RFX3: variants seen among roughly 807,000 people sequenced by gnomAD.
The protein encoded by RFX3 is transcription factor RFX3.
RFX3 carries 14 observed loss-of-function variants against 98.6 expected under a neutral mutation model. That is an observed-to-expected ratio of 0.14 (90% CI 0.09 to 0.22). RFX3 has a LOEUF of 0.22. RFX3 is among the 10% of genes least tolerant of loss of function. The pLI is 1.00. For missense variants in RFX3, 639 were observed against 926.9 expected (o/e 0.69, Z 4.03); for synonymous variants, 383 against 328.4 (o/e 1.17, Z -1.80).
intron 2 of RFX3, among the ~76,000 whole-genome samples, chr9:3,393,529 G>T (rs1045877292): frequency 6.6e-6 from 1 of 151,724 alleles, no homozygotes; most frequent in African/African-American, 2.4e-5. Flanking sequence ...GTTCAACATT[G>T]CCTTTAAAAA....
At chr9:3,393,899 G>C (rs1040319240) in intron 2 of RFX3, among the ~76,000 whole-genome samples, 3 of 152,218 alleles carry the variant, frequency 2.0e-5, no homozygotes, top group African/African-American at 7.2e-5. Flanking sequence ...TTTGGGTAAT[G>C]GGTACCCTAG....
chr9:3,390,983 C>T (rs116075379), intron 2 of RFX3, among the ~76,000 whole-genome samples: 4,756 of 152,162 alleles, frequency 0.031, 243 homozygotes, highest in African/African-American at 0.11. Context: ...ATATTGAATG[C>T]CTCAAAATTT....
At chr9:3,351,976 C>G (rs1294399194) in intron 2 of RFX3, among the ~76,000 whole-genome samples, 1 of 151,432 alleles carries the variant, frequency 6.6e-6, no homozygotes, top group Non-Finnish European at 1.5e-5. Context: ...AAAAAAATTT[C>G]AAAAAATACG....
In RFX3 at chr9:3,525,899, C is replaced by G. The variant is rs1819233652; in HGVS notation, c.-161G>C. 2 of 982,488 alleles carry G rather than the reference C, an allele frequency of 2.0e-6. No homozygotes were observed. The highest frequency in any genetic ancestry group is 2.4e-6 in the Non-Finnish European group (2 of 829,402). The allele number at this position is 982,488 out of a possible 1,614,324, so 60.9% of individuals were successfully genotyped here. A position where few individuals can be genotyped will look rare whatever the true frequency, so the allele number is the denominator to read the frequency against. ...TACGGTGACTATGGCGCTTGATTCA[C>G]AAGGCAACGGTTGCTATAACTCACA... On this transcript the variant is annotated 5_prime_UTR_variant, in exon 1 of 17. Coordinates refer to ENST00000617270, the MANE Select transcript of RFX3 (RefSeq NM_001282116.2).
At chr9:3,348,991 A>G (rs1045536635) in intron 2 of RFX3, among the ~76,000 whole-genome samples, 1 of 152,170 alleles carries the variant, frequency 6.6e-6, no homozygotes, top group Non-Finnish European at 1.5e-5. Flanking sequence ...AAAGACTACA[A>G]TTGGGACCCA....
At chr9:3,322,119 G>A (rs1466643659) in intron 4 of RFX3, among the ~76,000 whole-genome samples, 1 of 151,944 alleles carries the variant, frequency 6.6e-6, no homozygotes, top group African/African-American at 2.4e-5. Context: ...ATTCTTGCAA[G>A]TTTATTTACA....
chr9:3,341,859 A>G (rs1833924525), intron 3 of RFX3, among the ~76,000 whole-genome samples: 1 of 152,216 alleles, frequency 6.6e-6, no homozygotes, highest in South Asian at 2.1e-4. Context: ...ATAAATGAAG[A>G]AAGCACCTCT....
intron 1 of RFX3, among the ~76,000 whole-genome samples, chr9:3,517,683 A>G (rs557086184): frequency 6.6e-6 from 1 of 152,352 alleles, no homozygotes; most frequent in East Asian, 1.9e-4. Context: ...TTTATGGACT[A>G]CAGATTTAAC....
At chr9:3,290,830 G>A (rs1827237724) in intron 6 of RFX3, among the ~76,000 whole-genome samples, 1 of 152,086 alleles carries the variant, frequency 6.6e-6, no homozygotes, top group African/African-American at 2.4e-5. Flanking sequence ...CAGTGAAGGG[G>A]TTTAGGACAT....
At chr9:3,490,611 T>G (rs958222593) in intron 1 of RFX3, among the ~76,000 whole-genome samples, 1 of 152,090 alleles carries the variant, frequency 6.6e-6, no homozygotes, top group Non-Finnish European at 1.5e-5. Flanking sequence ...AGAATAATCA[T>G]AGTATTGTAA....
intron 1 of RFX3, among the ~76,000 whole-genome samples, chr9:3,424,466 A>G (rs938224271): frequency 7.5e-6 from 1 of 134,020 alleles, no homozygotes; most frequent in Non-Finnish European, 1.5e-5. Context: ...GGTTCACGCC[A>G]TTCTCCTGCC....
chr9:3,330,529 G>A lies in RFX3; in HGVS notation c.216-12C>T, dbSNP rs748045110. ...ACGTTGTTGTTCGGCTTTAGAAGAAGAAGAAAAAAGAAATTTACTAGCTTA... is the reference window on the plus strand; with the variant it reads ...ACGTTGTTGTTCGGCTTTAGAAGAAAAAGAAAAAAGAAATTTACTAGCTTA... On this transcript the variant is annotated splice_polypyrimidine_tract_variant and intron_variant, in intron 3 of 16. Transcript: ENST00000617270. 2.4e-5 allele frequency: 38 copies of A among 1,577,074 alleles called. No homozygotes were observed. The highest frequency in any genetic ancestry group is 7.4e-5 in the Admixed American group (4 of 53,956).
intron 15 of RFX3, among the ~76,000 whole-genome samples, chr9:3,243,979 TTTC>T (rs556393829): frequency 1.9e-3 from 284 of 150,538 alleles, no homozygotes; most frequent in African/African-American, 6.5e-3. Context: ...CTGTGTCTCA[TTTC>T]TTCTTCTTTT....
chr9:3,491,002 C>T (rs941962065), intron 1 of RFX3, among the ~76,000 whole-genome samples: 10 of 152,092 alleles, frequency 6.6e-5, no homozygotes, highest in Middle Eastern at 3.4e-3. Flanking sequence ...CTTATTACAA[C>T]GTATATCTGA....
chr9:3,376,977 C>T (rs933497494), intron 2 of RFX3, among the ~76,000 whole-genome samples: 2 of 152,160 alleles, frequency 1.3e-5, no homozygotes, highest in African/African-American at 4.8e-5. Flanking sequence ...GAAATAGGAA[C>T]ACTTTTACAC....
intron 3 of RFX3, among the ~76,000 whole-genome samples, chr9:3,346,187 T>G (rs1834424293): frequency 6.6e-6 from 1 of 152,186 alleles, no homozygotes; most frequent in East Asian, 1.9e-4. Flanking sequence ...GGGGCAGGTT[T>G]AGATAGGAAA....
intron 15 of RFX3, chr9:3,247,058 T>C: frequency 1.0e-6 from 1 of 982,502 alleles, no homozygotes; most frequent in Non-Finnish European, 1.2e-6. Context: ...TCTTTTTTAT[T>C]TATATAAGCA....
At chr9:3,434,854 T>C (rs1464101678) in intron 1 of RFX3, among the ~76,000 whole-genome samples, 2 of 151,980 alleles carry the variant, frequency 1.3e-5, no homozygotes, top group African/African-American at 2.4e-5. Flanking sequence ...CATCACAGAG[T>C]GTTCTTACAC....
intron 4 of RFX3, among the ~76,000 whole-genome samples, chr9:3,314,660 A>C (rs1830367074): frequency 6.6e-6 from 1 of 152,142 alleles, no homozygotes; most frequent in Non-Finnish European, 1.5e-5. Flanking sequence ...TAGGCTCAAA[A>C]TAAAGGGATG....
Sources: allele counts gnomAD v4.1 joint callset (sites outside exome capture counted in the v4.1 genomes callset), GRCh38; gene constraint gnomAD v4.1.1; transcripts MANE v1.5; gene names NCBI Gene and HGNC (gene_info 2026-07-23, HGNC 2026-07-21).